Variants in MYO3A observed in about 807,000 individuals in gnomAD.
MYO3A encodes myosin IIIA, also known as myosin-IIIa.
A neutral mutation model predicts 192.7 loss-of-function variants in MYO3A; 180 were observed. The ratio of observed to expected loss-of-function variants is 0.93; its 90% confidence interval spans 0.83 to 1.06. MYO3A has a LOEUF of 1.06. Ranked by LOEUF, MYO3A falls within the 50% of genes least tolerant of loss-of-function variation. MYO3A has a pLI of 0.00. For missense variants in MYO3A, 1,896 were observed against 1,905.0 expected, an observed-to-expected ratio of 1.00 and a Z score of 0.09; for synonymous variants, 628 against 645.3, an observed-to-expected ratio of 0.97 and a Z score of 0.41.
chr10:26,205,608 C>CTTTTTTTTTTTTTT (rs576007724), intron 34 of MYO3A, among the ~76,000 whole-genome samples: 2 of 68,630 alleles, frequency 2.9e-5, no homozygotes, highest in Non-Finnish European at 5.3e-5. Context: ...CTTTTCTTTT[C>CTTTTTTTTTTTTTT]TTTTTTTTTT....
At chr10:26,180,087 A>T (rs1424213568) in intron 31 of MYO3A, among the ~76,000 whole-genome samples, 5 of 151,990 alleles carry the variant, frequency 3.3e-5, no homozygotes, top group Admixed American at 6.5e-5. Flanking sequence ...CACCTGCCTC[A>T]GCCTCCCAAA....
intron 10 of MYO3A, among the ~76,000 whole-genome samples, chr10:26,059,410 C>T (rs1179063886): frequency 6.6e-6 from 1 of 152,216 alleles, no homozygotes; most frequent in Non-Finnish European, 1.5e-5. Flanking sequence ...TGAATTTTGT[C>T]AGATGCTTTC....
intron 20 of MYO3A, among the ~76,000 whole-genome samples, chr10:26,142,497 A>C (rs1005816263): frequency 2.6e-5 from 4 of 152,226 alleles, no homozygotes; most frequent in Admixed American, 6.5e-5. Context: ...TCTGTGGTTC[A>C]TTGTTTCTAT....
chr10:26,053,875 G>T (rs1431566948), intron 10 of MYO3A, among the ~76,000 whole-genome samples: 1 of 152,076 alleles, frequency 6.6e-6, no homozygotes, highest in Non-Finnish European at 1.5e-5. Flanking sequence ...AGAGGGACTG[G>T]AAGTCCTCAG....
chr10:26,053,826 A>AAAAAAAAAG (rs145059792), intron 10 of MYO3A, among the ~76,000 whole-genome samples: 1 of 151,488 alleles, frequency 6.6e-6, no homozygotes. Flanking sequence ...CTCCGTTTCA[A>AAAAAAAAAG]AAAAAGAAAA....
At chr10:25,993,682 A>G (rs906474930) in intron 4 of MYO3A, among the ~76,000 whole-genome samples, 4 of 152,158 alleles carry the variant, frequency 2.6e-5, no homozygotes, top group African/African-American at 7.2e-5. Flanking sequence ...ACACTGCTTT[A>G]AATGTGTCCC....
At chr10:26,069,329 A>G (rs1226661198) in intron 12 of MYO3A, among the ~76,000 whole-genome samples, 2 of 152,062 alleles carry the variant, frequency 1.3e-5, no homozygotes, top group Non-Finnish European at 2.9e-5. Context: ...CTTTTGATGT[A>G]TTATTGGCTT....
At chr10:25,987,990 A>G (rs1839757544) in intron 4 of MYO3A, among the ~76,000 whole-genome samples, 1 of 139,156 alleles carries the variant, frequency 7.2e-6, no homozygotes. Context: ...AGAAAATGTG[A>G]TATATATATA....
chr10:26,141,789 G>A (rs1840181536), intron 20 of MYO3A, among the ~76,000 whole-genome samples: 1 of 152,082 alleles, frequency 6.6e-6, no homozygotes, highest in Non-Finnish European at 1.5e-5. Context: ...TGCCTTTCAG[G>A]TTCTCCACCT....
chr10:26,102,130 G>C (rs534466258), intron 17 of MYO3A, among the ~76,000 whole-genome samples: 1 of 151,814 alleles, frequency 6.6e-6, no homozygotes, highest in Non-Finnish European at 1.5e-5. Context: ...TTCTCTTCTC[G>C]CTTCATTTCA....
At chr10:25,998,500 T>G (rs1024142213) in intron 6 of MYO3A, among the ~76,000 whole-genome samples, 7 of 152,126 alleles carry the variant, frequency 4.6e-5, no homozygotes, top group South Asian at 2.1e-4. Context: ...TGTTTCTGGT[T>G]GAATTCAGAG....
intron 17 of MYO3A, 59 bp downstream of exon 17, chr10:26,096,741 TAAGAGC>T: frequency 8.4e-7 from 1 of 1,183,814 alleles, no homozygotes; most frequent in South Asian, 1.2e-5. Context: ...TCACTAATGT[TAAGAGC>T]ATTTATTGAG....
intron 17 of MYO3A, among the ~76,000 whole-genome samples, chr10:26,117,370 A>G (rs1299667540): frequency 6.6e-6 from 1 of 152,204 alleles, no homozygotes; most frequent in Non-Finnish European, 1.5e-5. Context: ...GTTTATTAAT[A>G]TAGGGAAACG....
chr10:26,197,497 C>CA (rs1843469089), intron 32 of MYO3A, among the ~76,000 whole-genome samples: 1 of 152,098 alleles, frequency 6.6e-6, no homozygotes, highest in South Asian at 2.1e-4. Context: ...AAGGCAGCAC[C>CA]CAATCTCTCT....
intron 18 of MYO3A, 143 bp from the exon 19 acceptor site, chr10:26,125,255 G>GGAT: frequency 1.2e-6 from 1 of 801,426 alleles, no homozygotes; most frequent in Non-Finnish European, 2.1e-6. Flanking sequence ...GACTCATGTT[G>GGAT]GATAGTATCA....
chr10:26,149,315 A>G (rs1163439573), intron 23 of MYO3A, among the ~76,000 whole-genome samples: 2 of 152,142 alleles, frequency 1.3e-5, no homozygotes, highest in African/African-American at 2.4e-5. Flanking sequence ...GCTCACTGCA[A>G]CATCTGCCTC....
chr10:26,104,035 G>A (rs1434317806), intron 17 of MYO3A, among the ~76,000 whole-genome samples: 1 of 150,658 alleles, frequency 6.6e-6, no homozygotes, highest in African/African-American at 2.4e-5. Flanking sequence ...TTCTAATTGG[G>A]TTATTGTCTT....
At chr10:26,058,488 G>C (rs755620868) in intron 10 of MYO3A, among the ~76,000 whole-genome samples, 2 of 152,182 alleles carry the variant, frequency 1.3e-5, no homozygotes, top group Admixed American at 6.5e-5. Flanking sequence ...CATTTGGGTA[G>C]AAAGAAGCAC....
chr10:26,183,372 A>T (rs1381526597), intron 31 of MYO3A, among the ~76,000 whole-genome samples: 5 of 152,022 alleles, frequency 3.3e-5, no homozygotes, highest in South Asian at 2.1e-4. Flanking sequence ...AAATACAAAA[A>T]ATTAGCCGGG....
Sources: allele counts gnomAD v4.1 joint callset (sites outside exome capture counted in the v4.1 genomes callset), GRCh38; gene constraint gnomAD v4.1.1; transcripts MANE v1.5; gene names NCBI Gene and HGNC (gene_info 2026-07-23, HGNC 2026-07-21).